CACNB2: variants seen among roughly 807,000 people sequenced by gnomAD.
The protein encoded by CACNB2 is voltage-dependent L-type calcium channel subunit beta-2.
A neutral mutation model predicts 73.3 loss-of-function variants in CACNB2; 42 were observed. That is an observed-to-expected ratio of 0.57 (90% confidence interval 0.45 to 0.74). The LOEUF is 0.74. Among genes scored for constraint, CACNB2 ranks in the 30% least tolerant of loss-of-function variants. CACNB2 has a pLI of 0.00. For missense variants in CACNB2, 940 were observed against 853.0 expected (o/e 1.10, Z -1.27); for synonymous variants, 348 against 310.3 (o/e 1.12, Z -1.28).
At chr10:18,199,122 A>G (rs1371892753) in intron 2 of CACNB2, among the ~76,000 whole-genome samples, 1 of 152,178 alleles carries the variant, frequency 6.6e-6, no homozygotes, top group Non-Finnish European at 1.5e-5. Flanking sequence ...AAAGCATGAT[A>G]GGCACATTGA....
Position 18,174,658 on chromosome 10 carries a change from C to T in CACNB2, c.213+23683C>T, listed in dbSNP as rs182255073. On this transcript the variant is annotated intron_variant, in intron 2 of 13. Coordinates refer to ENST00000324631, the MANE Select transcript of CACNB2 (RefSeq NM_201596.3). ...ACCTCAAGTGATCCACCCGCCTTGGCCTCCCAAAGTGCTGAGATTACAGGC... is the reference window on the plus strand; with the variant it reads ...ACCTCAAGTGATCCACCCGCCTTGGTCTCCCAAAGTGCTGAGATTACAGGC... Among the ~76,000 whole-genome samples, 737 of 152,192 alleles carry T rather than the reference C, an allele frequency of 4.8e-3. 3 individuals carry two copies. Among genetic ancestry groups the T allele is most frequent in the Non-Finnish European group, 8.1e-3 (548 of 68,014 alleles).
chr10:18,473,184 C>T (rs1485441937), intron 3 of CACNB2, among the ~76,000 whole-genome samples: 1 of 152,204 alleles, frequency 6.6e-6, no homozygotes, highest in African/African-American at 2.4e-5. Context: ...CTGTGAAATA[C>T]TTTTCAGGTG....
intron 2 of CACNB2, among the ~76,000 whole-genome samples, chr10:18,276,919 C>G (rs1490629515): frequency 6.6e-6 from 1 of 152,114 alleles, no homozygotes; most frequent in Non-Finnish European, 1.5e-5. Flanking sequence ...CAAGACCAGA[C>G]AGGGCAACAT....
chr10:18,145,714 T>C lies in CACNB2; in HGVS notation c.120+4858T>C, dbSNP rs1281034310. On this transcript the variant is annotated intron_variant, in intron 1 of 13. Transcript: ENST00000324631. ...TGGCATGTCTCTATCCTACACGTAG[T>C]CTAGGTCAAACATAACATAACATGG... Among the ~76,000 whole-genome samples the C allele has an allele frequency of 2.0e-5, 3 of 152,292 alleles. 1 individual carries two copies. Among genetic ancestry groups the C allele is most frequent in the South Asian group, 4.1e-4 (2 of 4,824 alleles).
chr10:18,402,602 A>T (rs10828650), intron 3 of CACNB2, among the ~76,000 whole-genome samples: 1 of 151,928 alleles, frequency 6.6e-6, no homozygotes, highest in Non-Finnish European at 1.5e-5. Context: ...TTCCATCTTA[A>T]TAAAGTGTGT....
intron 6 of CACNB2, among the ~76,000 whole-genome samples, chr10:18,507,939 A>G (rs1332363104): frequency 6.6e-6 from 1 of 151,924 alleles, no homozygotes; most frequent in African/African-American, 2.4e-5. Context: ...AGCAAAAACT[A>G]TAGGATTTTT....
chr10:18,336,051 A>G (rs938583837), intron 2 of CACNB2, among the ~76,000 whole-genome samples: 5 of 152,178 alleles, frequency 3.3e-5, no homozygotes, highest in South Asian at 2.1e-4. Flanking sequence ...CAAATATGCC[A>G]TTGTCAGAAG....
intron 3 of CACNB2, among the ~76,000 whole-genome samples, chr10:18,457,198 C>T (rs776477527): frequency 1.1e-4 from 17 of 152,264 alleles, no homozygotes; most frequent in Non-Finnish European, 2.5e-4. Context: ...CTGCGTGATC[C>T]TCCTGCCTCA....
intron 2 of CACNB2, among the ~76,000 whole-genome samples, chr10:18,261,720 G>A (rs749522310): frequency 2.6e-5 from 4 of 152,100 alleles, no homozygotes; most frequent in Non-Finnish European, 4.4e-5. Context: ...ATAGATAGGC[G>A]CAGAGGCTAA....
rs139528107 is a variant in CACNB2, at chr10:18,451,466, C to T, written c.334-46889C>T. 7.9e-5 allele frequency among the ~76,000 whole-genome samples: 12 copies of T among 152,306 alleles called. No individual in the cohort carries two copies. The East Asian group carries it at 2.1e-3, about 27-fold the overall frequency. ...TCATGAAGACACATCACATCTGCCA[C>T]ATCAGTTTAGCACTGTTCTAAACTA... On this transcript the variant is annotated intron_variant, in intron 3 of 13. Coordinates refer to ENST00000324631, the MANE Select transcript of CACNB2 (RefSeq NM_201596.3).
At chr10:18,233,581 C>T (rs552021824) in intron 2 of CACNB2, among the ~76,000 whole-genome samples, 14 of 152,234 alleles carry the variant, frequency 9.2e-5, no homozygotes, top group Non-Finnish European at 1.9e-4. Flanking sequence ...ATCGCAAGCT[C>T]TGCCAAAGCT....
At chr10:18,200,834 C>T (rs2034846391) in intron 2 of CACNB2, among the ~76,000 whole-genome samples, 1 of 152,214 alleles carries the variant, frequency 6.6e-6, no homozygotes, top group East Asian at 1.9e-4. Flanking sequence ...GAGTAATTGC[C>T]ATTTAGAAGT....
intron 2 of CACNB2, among the ~76,000 whole-genome samples, chr10:18,155,815 T>C (rs2031996104): frequency 6.6e-6 from 1 of 150,920 alleles, no homozygotes; most frequent in Non-Finnish European, 1.5e-5. Flanking sequence ...AACCCACAAT[T>C]TAACTGTGGC....
chr10:18,186,576 G>C (rs2034163874), intron 2 of CACNB2, among the ~76,000 whole-genome samples: 1 of 152,164 alleles, frequency 6.6e-6, no homozygotes, highest in Admixed American at 6.5e-5. Flanking sequence ...CATGGTGGAA[G>C]GCAAAGGGGG....
Position 18,258,763 on chromosome 10 carries a change from A to G in CACNB2, c.213+107788A>G, listed in dbSNP as rs528413049. Among the ~76,000 whole-genome samples the G allele has an allele frequency of 1.4e-4, 21 of 152,264 alleles. No homozygotes were observed. In the East Asian group the frequency reaches 3.9e-3, roughly 28 times the overall value. On this transcript the variant is annotated intron_variant, in intron 2 of 13. Coordinates refer to ENST00000324631, the MANE Select transcript of CACNB2 (RefSeq NM_201596.3). ...AACAAGCAAACAAAAAACAAAAAAA[A>G]ACTTGAATTTGAATTATGTGTTCTT...
chr10:18,482,889 C>T (rs1471834298), intron 3 of CACNB2, among the ~76,000 whole-genome samples: 2 of 152,136 alleles, frequency 1.3e-5, no homozygotes, highest in African/African-American at 4.8e-5. Flanking sequence ...CCAATGATAA[C>T]CTTGCCTCTA....
chr10:18,187,836 G>C (rs2131250709), intron 2 of CACNB2, among the ~76,000 whole-genome samples: 1 of 152,264 alleles, frequency 6.6e-6, no homozygotes, highest in East Asian at 1.9e-4. Flanking sequence ...TCTTGTGAAG[G>C]ATGCAAAAAT....
intron 2 of CACNB2, among the ~76,000 whole-genome samples, chr10:18,162,040 C>T (rs1158770405): frequency 2.6e-5 from 4 of 152,240 alleles, no homozygotes; most frequent in African/African-American, 7.2e-5. Context: ...TGTGTCAGTA[C>T]GTGTTCTGTA....
intron 3 of CACNB2, among the ~76,000 whole-genome samples, chr10:18,440,272 A>G (rs903993749): frequency 2.6e-5 from 4 of 152,190 alleles, no homozygotes; most frequent in African/African-American, 9.6e-5. Flanking sequence ...TGATAACTAT[A>G]GCCTTGGAGA....
Sources: gnomAD v4.1 joint callset for allele counts (sites outside exome capture counted in the v4.1 genomes callset) on GRCh38, gnomAD v4.1.1 for gene constraint, MANE v1.5 for transcripts, NCBI Gene and HGNC (gene_info 2026-07-23, HGNC 2026-07-21) for gene names.